The following PACRG variants were observed in gnomAD, a reference collection of about 807,000 sequenced individuals.
PACRG encodes parkin coregulated, also known as parkin coregulated gene protein.
Under a neutral mutation model 29.7 loss-of-function variants are expected in PACRG, and 29 were observed. The observed-to-expected ratio is 0.98, with a 90% CI of 0.73 to 1.33. The LOEUF (loss-of-function observed/expected upper bound fraction) is 1.33, where lower values mean the gene tolerates loss of function less well. Among genes scored for constraint, PACRG ranks in the 40% most tolerant of loss-of-function variants. The pLI, the probability that PACRG is intolerant of heterozygous loss-of-function variation, is 0.00. For missense variants in PACRG, 279 were observed against 316.2 expected (o/e 0.88, Z 0.89); for synonymous variants, 116 against 118.7 (o/e 0.98, Z 0.15).
intron 1 of PACRG, among the ~76,000 whole-genome samples, chr6:162,793,488 C>T (rs1395741366): frequency 6.6e-6 from 1 of 152,172 alleles, no homozygotes; most frequent in African/African-American, 2.4e-5. Context: ...TCTGCTGTAG[C>T]ATCCTTGGAA....
rs149652796 is a variant in PACRG at position 162,932,171 on chromosome 6, T to C, written c.291+117890T>C. Among the ~76,000 whole-genome samples the C allele has an allele frequency of 2.7e-3, 407 of 152,170 alleles. 1 individual carries two copies. The highest frequency in any genetic ancestry group is 4.9e-3 in the Non-Finnish European group (333 of 67,892). On this transcript the variant is annotated intron_variant, in intron 2 of 4. Coordinates refer to ENST00000366888, the MANE Select transcript of PACRG (RefSeq NM_001080379.2). Reference sequence around the variant, plus strand: ...AAGAAACCAAACAAAAAGGAGTACGTACTTTATGTTTCCATTTATATAAAA... The same window carrying C: ...AAGAAACCAAACAAAAAGGAGTACGCACTTTATGTTTCCATTTATATAAAA...
intron 4 of PACRG, among the ~76,000 whole-genome samples, chr6:163,221,472 T>C (rs1296723564): frequency 6.6e-6 from 1 of 152,222 alleles, no homozygotes; most frequent in East Asian, 1.9e-4. Context: ...TTGATTAATT[T>C]CACCGTGTGC....
chr6:162,903,465 G>A (rs900504054), intron 2 of PACRG, among the ~76,000 whole-genome samples: 1 of 152,122 alleles, frequency 6.6e-6, no homozygotes, highest in East Asian at 1.9e-4. Flanking sequence ...GGCTGGGGAG[G>A]CCTCACAATC....
intron 3 of PACRG, among the ~76,000 whole-genome samples, chr6:163,067,255 A>G (rs1030582339): frequency 1.3e-5 from 2 of 152,216 alleles, no homozygotes; most frequent in African/African-American, 4.8e-5. Context: ...CCCGTGGTCG[A>G]TGCTGTTGCT....
intron 2 of PACRG, among the ~76,000 whole-genome samples, chr6:162,939,868 G>C (rs755267415): frequency 6.6e-6 from 1 of 152,124 alleles, no homozygotes; most frequent in Non-Finnish European, 1.5e-5. Flanking sequence ...AGCGCCTGCT[G>C]TCAGTCTTTT....
At chr6:163,200,709 A>G (rs1562960475) in intron 4 of PACRG, among the ~76,000 whole-genome samples, 1 of 152,096 alleles carries the variant, frequency 6.6e-6, no homozygotes, top group Non-Finnish European at 1.5e-5. Context: ...AATACTAAAA[A>G]CCCTCAAGAG....
intron 1 of PACRG, among the ~76,000 whole-genome samples, chr6:162,744,308 T>A (rs987801905): frequency 6.6e-6 from 1 of 152,310 alleles, no homozygotes; most frequent in Non-Finnish European, 1.5e-5. Context: ...TATAAAGATA[T>A]TATTCCTGGC....
intron 2 of PACRG, among the ~76,000 whole-genome samples, chr6:162,938,277 C>T (rs1437798125): frequency 6.6e-6 from 1 of 152,158 alleles, no homozygotes; most frequent in African/African-American, 2.4e-5. Flanking sequence ...ATATATACCA[C>T]AGTTTCTTTA....
At chr6:163,116,496 A>G (rs1392832076) in intron 4 of PACRG, among the ~76,000 whole-genome samples, 1 of 152,100 alleles carries the variant, frequency 6.6e-6, no homozygotes, top group Non-Finnish European at 1.5e-5. Flanking sequence ...TCTTTTATAT[A>G]TTTGGAGTGA....
At chr6:163,006,412 A>G (rs1425254267) in intron 2 of PACRG, among the ~76,000 whole-genome samples, 1 of 151,530 alleles carries the variant, frequency 6.6e-6, no homozygotes, top group Non-Finnish European at 1.5e-5. Flanking sequence ...ATAGTGTTCT[A>G]TAAATGTCAA....
chr6:162,736,110 G>T (rs1780146837), intron 1 of PACRG, among the ~76,000 whole-genome samples: 1 of 152,086 alleles, frequency 6.6e-6, no homozygotes, highest in African/African-American at 2.4e-5. Context: ...TCCCTATAGG[G>T]AACTGAAGCT....
At chr6:162,727,699 G>A (rs1458142013), upstream of PACRG, 6 of 1,565,642 alleles carry the variant, frequency 3.8e-6, no homozygotes, top group Middle Eastern at 1.7e-4. Flanking sequence ...CTGCGGGCCA[G>A]GAACAGGCCC....
intron 4 of PACRG, among the ~76,000 whole-genome samples, chr6:163,286,826 ATG>A (rs1784416198): frequency 6.6e-6 from 1 of 152,140 alleles, no homozygotes; most frequent in Non-Finnish European, 1.5e-5. Context: ...GTTTATGTAC[ATG>A]TGTGTATGTA....
chr6:163,013,626 G>A (rs1805820147), intron 2 of PACRG, among the ~76,000 whole-genome samples: 1 of 152,102 alleles, frequency 6.6e-6, no homozygotes, highest in Non-Finnish European at 1.5e-5. Flanking sequence ...ACATCTGAAT[G>A]TTAGACTCTG....
intron 3 of PACRG, among the ~76,000 whole-genome samples, chr6:163,072,766 A>T (rs997976218): frequency 6.6e-6 from 1 of 152,230 alleles, no homozygotes; most frequent in African/African-American, 2.4e-5. Context: ...AAGTAGCAGG[A>T]TACGAAATCA....
chr6:162,827,587 G>A (rs1163097344), intron 2 of PACRG, among the ~76,000 whole-genome samples: 1 of 152,130 alleles, frequency 6.6e-6, no homozygotes, highest in Non-Finnish European at 1.5e-5. Context: ...TTTTTGGTAA[G>A]AAATTTTGCA....
At chr6:163,061,358 CA>C (rs1177143056) in intron 2 of PACRG, among the ~76,000 whole-genome samples, 1 of 152,216 alleles carries the variant, frequency 6.6e-6, no homozygotes, top group Non-Finnish European at 1.5e-5. Context: ...TCCCAACTCA[CA>C]ATCTCTTTTC....
intron 4 of PACRG, among the ~76,000 whole-genome samples, chr6:163,298,652 C>A (rs1477658752): frequency 6.6e-6 from 1 of 152,146 alleles, no homozygotes; most frequent in Non-Finnish European, 1.5e-5. Context: ...ATGTCTCTAG[C>A]CAAAGAAGAA....
intron 2 of PACRG, among the ~76,000 whole-genome samples, chr6:162,940,016 G>C: frequency 6.6e-6 from 1 of 152,046 alleles, no homozygotes; most frequent in East Asian, 1.9e-4. Context: ...TAAGTTTGTT[G>C]CTAATTCTAA....
Sources: allele counts gnomAD v4.1 joint callset (sites outside exome capture counted in the v4.1 genomes callset), GRCh38; gene constraint gnomAD v4.1.1; transcripts MANE v1.5; gene names NCBI Gene and HGNC (gene_info 2026-07-23, HGNC 2026-07-21).